Variants in MYO1E observed in about 807,000 individuals in gnomAD.
MYO1E encodes the protein unconventional myosin-Ie.
In MYO1E, 68 loss-of-function variants were observed where a neutral mutation model predicts 151.1. The ratio of observed to expected loss-of-function variants is 0.45; its 90% CI spans 0.37 to 0.55. The LOEUF is 0.55. Ranked by LOEUF, MYO1E falls within the 20% of genes least tolerant of loss-of-function variation. The probability of loss-of-function intolerance (pLI) is 0.00; values close to 1 mark genes in which losing one functional copy is unlikely to be tolerated. For missense variants in MYO1E, 1,363 were observed against 1,389.3 expected (o/e 0.98, Z 0.30); for synonymous variants, 601 against 501.7 (o/e 1.20, Z -2.64).
chr15:59,199,659 A>G (rs1237285550), intron 16 of MYO1E, among the ~76,000 whole-genome samples: 3 of 152,210 alleles, frequency 2.0e-5, no homozygotes, highest in African/African-American at 7.2e-5. Context: ...ATATTCTATT[A>G]GTTAAATCCT....
intron 26 of MYO1E, 138 bp from the exon 27 acceptor site, chr15:59,138,505 G>T: frequency 1.1e-6 from 1 of 907,656 alleles, no homozygotes; most frequent in Non-Finnish European, 1.7e-6. Flanking sequence ...TGTGGCCCAG[G>T]GTGCAGTCTT....
At chr15:59,191,931 G>A (rs1278420984) in intron 17 of MYO1E, among the ~76,000 whole-genome samples, 1 of 152,144 alleles carries the variant, frequency 6.6e-6, no homozygotes, top group African/African-American at 2.4e-5. Context: ...CAGCAATTCA[G>A]AATGCAGGGC....
chr15:59,275,308 G>C (rs2080311832), intron 1 of MYO1E, among the ~76,000 whole-genome samples: 1 of 152,098 alleles, frequency 6.6e-6, no homozygotes, highest in African/African-American at 2.4e-5. Context: ...TAGCATTAGA[G>C]ACTAAAACAC....
In MYO1E at chr15:59,270,475, G is replaced by A. The variant is rs146249986; in HGVS notation, c.147+1831C>T. ...GGAAGATCACCTGAGCCGGGGAGGC[G>A]GAGGTTGCAGTGAGCTGGGATCGTG... On this transcript the variant is annotated intron_variant, in intron 2 of 27. Transcript: ENST00000288235. 4.9e-3 allele frequency among the ~76,000 whole-genome samples: 738 copies of A among 150,866 alleles called. 4 individuals are homozygous for A. Among genetic ancestry groups the A allele is most frequent in the Non-Finnish European group, 6.5e-3 (437 of 67,720 alleles).
intron 2 of MYO1E, chr15:59,266,663 CTTTTTTTTT>C (rs34640095): frequency 7.7e-6 from 1 of 130,364 alleles, no homozygotes; most frequent in Non-Finnish European, 1.6e-5. Context: ...TTTTGCTGTT[CTTTTTTTTT>C]TTTTTTTTGA....
At position 59,136,337 on chromosome 15, in the gene MYO1E, C is replaced by T. The variant is rs2079372644; in HGVS notation, c.*1043G>A. 6.0e-6 allele frequency: 1 copy of T among 167,850 alleles called. No homozygotes were observed. Among genetic ancestry groups the T allele is most frequent in the Non-Finnish European group, 1.3e-5 (1 of 76,490 alleles). The allele number at this position is 167,850 out of a possible 1,614,324, so 10.4% of individuals were successfully genotyped here. On this transcript the variant is annotated 3_prime_UTR_variant, in exon 28 of 28. Transcript: ENST00000288235. Reference sequence around the variant, plus strand: ...TTCTTTGGAGGCACACAATTCAACCCATAACAAATGTCATAAAAGAAGAAG... The same window carrying T: ...TTCTTTGGAGGCACACAATTCAACCTATAACAAATGTCATAAAAGAAGAAG...
intron 17 of MYO1E, among the ~76,000 whole-genome samples, chr15:59,189,956 C>T (rs2079723081): frequency 2.0e-5 from 3 of 152,342 alleles, no homozygotes; most frequent in Middle Eastern, 3.4e-3. Context: ...ATGCCCCACA[C>T]CTTGGGGATG....
At chr15:59,237,356 G>C (rs953948425) in intron 4 of MYO1E, among the ~76,000 whole-genome samples, 1 of 152,136 alleles carries the variant, frequency 6.6e-6, no homozygotes, top group Non-Finnish European at 1.5e-5. Flanking sequence ...ATCACATCCG[G>C]AGTAACAAAG....
intron 1 of MYO1E, among the ~76,000 whole-genome samples, chr15:59,283,635 C>T (rs1466718825): frequency 6.6e-6 from 1 of 152,210 alleles, no homozygotes; most frequent in Non-Finnish European, 1.5e-5. Context: ...ATTCTTATTA[C>T]ATACCAAGCA....
At position 59,224,762 on chromosome 15, in the gene MYO1E, TA is replaced by T. The variant is rs746176531; in HGVS notation, c.703del (p.Tyr235IlefsTer4). The T allele has an allele frequency of 6.2e-7, 1 of 1,614,140 alleles. No homozygotes were observed. Among genetic ancestry groups the T allele is most frequent in the Non-Finnish European group, 8.5e-7 (1 of 1,180,026 alleles). On this transcript the variant is annotated frameshift_variant, in exon 8 of 28. Transcript: ENST00000288235. LOFTEE classifies it high-confidence loss of function. Reference sequence around the variant, plus strand: ...TGAGCCCGAGAGGCTCAGGTAGTAATAATAGTCCATGCTGGTGATGCCAAGG... The same window carrying T: ...TGAGCCCGAGAGGCTCAGGTAGTAATATAGTCCATGCTGGTGATGCCAAGG... ...HSLGITSMDY[Y>X]YYLSLSGSYK... is the part of the protein sequence containing the mutation.
chr15:59,172,493 C>A (rs1427851586), intron 21 of MYO1E, among the ~76,000 whole-genome samples: 1 of 152,060 alleles, frequency 6.6e-6, no homozygotes, highest in African/African-American at 2.4e-5. Context: ...ATCACATGAC[C>A]GGGCCCCATG....
At chr15:59,192,681 T>C (rs560889041) in intron 17 of MYO1E, among the ~76,000 whole-genome samples, 6 of 152,352 alleles carry the variant, frequency 3.9e-5, no homozygotes, top group Admixed American at 6.5e-5. Flanking sequence ...AGCAGGTGGA[T>C]AGAGTTTGAA....
At chr15:59,142,639 A>G (rs889949019) in intron 26 of MYO1E, among the ~76,000 whole-genome samples, 13 of 152,240 alleles carry the variant, frequency 8.5e-5, no homozygotes, top group East Asian at 1.9e-4. Context: ...TCTTGGAAAA[A>G]GGACCAAAAC....
At chr15:59,200,865 C>G (rs1248978286) in intron 16 of MYO1E, among the ~76,000 whole-genome samples, 2 of 152,084 alleles carry the variant, frequency 1.3e-5, no homozygotes, top group Non-Finnish European at 2.9e-5. Flanking sequence ...GGTGAGGGCA[C>G]TGAGAGCGTA....
At position 59,137,476 on chromosome 15, in the gene MYO1E, G is replaced by A; in HGVS notation, c.3251-20C>T. On this transcript the variant is annotated intron_variant, in intron 27 of 27. Coordinates refer to ENST00000288235, the MANE Select transcript of MYO1E (RefSeq NM_004998.4). ...AAGGATCTGCAGGGAGAGAGAGGTG[G>A]TGGAAGTGAAGATGAGAAAGTCTGT... The A allele has an allele frequency of 6.2e-7, 1 of 1,611,348 alleles. No individual in the cohort carries two copies. Among genetic ancestry groups the A allele is most frequent in the Non-Finnish European group, 8.5e-7 (1 of 1,177,484 alleles).
chr15:59,205,020 T>C (rs2079824091), intron 15 of MYO1E, among the ~76,000 whole-genome samples: 1 of 152,054 alleles, frequency 6.6e-6, no homozygotes, highest in Admixed American at 6.6e-5. Context: ...GTTAGGGACA[T>C]AAAAGGGAGA....
intron 2 of MYO1E, 134 bp downstream of exon 2, chr15:59,272,172 C>T (rs1224683887): frequency 1.4e-5 from 14 of 974,924 alleles, no homozygotes; most frequent in Non-Finnish European, 2.3e-5. Flanking sequence ...CCAGGATGGT[C>T]TGGAACTCCT....
At chr15:59,293,230 T>G (rs532335599) in intron 1 of MYO1E, among the ~76,000 whole-genome samples, 1 of 152,316 alleles carries the variant, frequency 6.6e-6, no homozygotes, top group South Asian at 2.1e-4. Flanking sequence ...TTAAGTTTAT[T>G]GAGGGTTCCC....
chr15:59,237,651 C>A, intron 4 of MYO1E, among the ~76,000 whole-genome samples: 1 of 152,166 alleles, frequency 6.6e-6, no homozygotes, highest in East Asian at 1.9e-4. Context: ...GTTCGCGCTT[C>A]GCGATAAAAA....
Sources: gnomAD v4.1 joint callset for allele counts (sites outside exome capture counted in the v4.1 genomes callset) on GRCh38, gnomAD v4.1.1 for gene constraint, MANE v1.5 for transcripts, NCBI Gene and HGNC (gene_info 2026-07-23, HGNC 2026-07-21) for gene names.